The following PHOX2B variants were observed in gnomAD, a reference collection of about 807,000 sequenced individuals.
The protein encoded by PHOX2B is paired like homeobox 2B, also known as paired mesoderm homeobox protein 2B.
Under a neutral mutation model 15.5 loss-of-function variants are expected in PHOX2B, and 1 was observed. The observed-to-expected ratio is 0.06, with a 90% confidence interval of 0.02 to 0.31. The LOEUF is 0.31. PHOX2B is among the 10% of genes least tolerant of loss of function. The pLI is 1.00. For synonymous variants in PHOX2B, 206 were observed against 190.5 expected (o/e 1.08, Z -0.67); for missense variants, 314 against 436.4 (o/e 0.72, Z 2.50).
chr4:41,746,375 G>C (rs1733901423), intron 2 of PHOX2B, 53 bp from the exon 3 acceptor site: 3 of 1,588,166 alleles, frequency 1.9e-6, no homozygotes. Context: ...AGAAGAAAAT[G>C]GGAAAGAAAA....
chr4:41,747,845 A>G (rs1733962562), intron 1 of PHOX2B: 3 of 572,310 alleles, frequency 5.2e-6, no homozygotes, highest in Non-Finnish European at 9.8e-6. Context: ...AAAAAAATCC[A>G]AAAACATCAG....
rs964285984 is a variant in PHOX2B, at chr4:41,746,153, G to A, written c.599C>T (p.Pro200Leu). Residue 200 changes from proline to leucine, a missense_variant, in exon 3 of 3, where the codon CCC (proline) becomes CTC (leucine). Transcript: ENST00000226382. ...GCAGCTGGGGGTGGGGTTGGGATTG[G>A]GACCTGGGCCCCCAGTGCTGTCCGG... is the stretch of plus-strand genomic sequence containing the variant. ...TDPDSTGGPG[P>L]NPNPTPSCGA... 3 of 1,611,858 alleles carry A rather than the reference G, an allele frequency of 1.9e-6. No homozygotes were observed. The African/African-American group carries it at 4.0e-5, about 22-fold the overall frequency.
Position 41,744,666 on chromosome 4 carries a change from A to G in PHOX2B, c.*1141T>C. On this transcript the variant is annotated 3_prime_UTR_variant, in exon 3 of 3. Coordinates refer to ENST00000226382, the MANE Select transcript of PHOX2B (RefSeq NM_003924.4). ...TGTGAGTCCAGTTCGGATCATTCCA[A>G]CAGAAATGCAAACCGAGACACCCCT... is the stretch of plus-strand genomic sequence containing the variant. 4.3e-6 allele frequency: 1 copy of G among 233,632 alleles called. No homozygotes were observed. Among genetic ancestry groups the G allele is most frequent in the East Asian group, 6.0e-5 (1 of 16,572 alleles). The allele number at this position is 233,632 out of a possible 1,614,324, so 14.5% of individuals were successfully genotyped here.
At position 41,744,479 on chromosome 4, in the gene PHOX2B, A is replaced by G. The variant is rs954074046; in HGVS notation, c.*1328T>C. The G allele has an allele frequency of 4.3e-6, 1 of 232,866 alleles. No individual in the cohort carries two copies. Among genetic ancestry groups the G allele is most frequent in the Non-Finnish European group, 8.5e-6 (1 of 117,604 alleles). 14.4% of individuals were successfully genotyped at this position (232,866 alleles called of 1,614,324 possible). On this transcript the variant is annotated 3_prime_UTR_variant, in exon 3 of 3. Coordinates refer to ENST00000226382, the MANE Select transcript of PHOX2B (RefSeq NM_003924.4). ...ACACGATACAATTGAGTCACAGAAC[A>G]CAGTTGTAGAAAGACACCGAAAAAG... is the stretch of plus-strand genomic sequence containing the variant.
At chr4:41,747,274 T>A (rs1041649186) in intron 2 of PHOX2B, 75 bp downstream of exon 2, 93 of 1,286,992 alleles carry the variant, frequency 7.2e-5, no homozygotes, top group Middle Eastern at 5.0e-4. Context: ...GACTTCGAAT[T>A]TCACCAGCCG....
At position 41,748,450 on chromosome 4, in the gene PHOX2B, G is replaced by T. The variant is rs1733982603; in HGVS notation, c.161C>A (p.Thr54Lys). 3.1e-6 allele frequency: 5 copies of T among 1,614,018 alleles called. No homozygotes were observed. The highest frequency in any genetic ancestry group is 1.1e-5 in the South Asian group (1 of 91,080). The change falls in exon 1 of 3, where the codon ACG becomes AAG. Residue 54 changes from threonine to lysine, a missense_variant. Physicochemically the swap from Thr to Lys is moderately conservative, Grantham distance 78 (BLOSUM62 -1). This residue lies in a region of PHOX2B where 102 missense variants were observed against 155.1 expected (regional missense o/e 0.66). Transcript: ENST00000226382. Reference protein sequence around the residue: ...YNPIRTTFGATSGCPSLTPGS... With the variant: ...YNPIRTTFGAKSGCPSLTPGS... ...CGGCGTGAGGGAAGGGCAGCCGGAC[G>T]TGGCCCCAAAAGTGGTCCTTATCGG...
rs774521395 is a variant in PHOX2B, at chr4:41,746,255, G to A, written c.497C>T (p.Ala166Val). The change falls in exon 3 of 3, where the codon GCG (alanine) becomes GTG (valine). Residue 166 changes from alanine (A) to valine (V), a missense_variant. This residue lies in a region of PHOX2B where 31 missense variants were observed against 29.6 expected (regional missense o/e 1.05). Transcript: ENST00000226382. ...TTTGCCCGAGGAGCCGTTCTTGGCC[G>A]CGGCCGCTGCGGCTGCCGCTGCGCG... ...QERAAAAAAA[A>V]AKNGSSGKKS... 2 of 1,613,398 alleles carry A rather than the reference G, an allele frequency of 1.2e-6. No individual in the cohort carries two copies. The highest frequency in any genetic ancestry group is 2.2e-5 in the South Asian group (2 of 91,082).
chr4:41,744,389 T>C lies in PHOX2B; in HGVS notation c.*1418A>G, dbSNP rs2153112617. 1 of 230,514 alleles carries C rather than the reference T, an allele frequency of 4.3e-6. No individual in the cohort carries two copies. The highest frequency in any genetic ancestry group is 5.7e-5 in the Admixed American group (1 of 17,698). The allele number at this position is 230,514 out of a possible 1,614,324, so 14.3% of individuals were successfully genotyped here. A position where few individuals can be genotyped will look rare whatever the true frequency, so the allele number is the denominator to read the frequency against. On this transcript the variant is annotated 3_prime_UTR_variant, in exon 3 of 3. Transcript: ENST00000226382. ...CTTATTACACCATAAAGACACGCCA[T>C]AGAGACTACAAGAAGAGAAAAACAT...
intron 2 of PHOX2B, among the ~76,000 whole-genome samples, chr4:41,746,653 C>G (rs1240775107): frequency 6.6e-6 from 1 of 152,168 alleles, no homozygotes; most frequent in Non-Finnish European, 1.5e-5. Flanking sequence ...GAGCAAGCCC[C>G]GAGCTCGCCA....
rs769726959 is a variant in PHOX2B at position 41,745,793 on chromosome 4, C to T, written c.*14G>A. The stretch of plus-strand genomic sequence containing the variant: ...CCGCTGTCGCCGCCGCCGCCGCCGC[C>T]GCAGGATTCCAGATCAGAACATACT... On this transcript the variant is annotated 3_prime_UTR_variant, in exon 3 of 3. Transcript: ENST00000226382. This position sits in a 1 kb window ranked among gnomAD's most constrained non-coding sequence, Gnocchi z 4.0. 4 of 1,602,432 alleles carry T rather than the reference C, an allele frequency of 2.5e-6. No individual in the cohort carries two copies. In the South Asian group the frequency reaches 4.4e-5, roughly 18 times the overall value.
chr4:41,745,994 G>T lies in PHOX2B; in HGVS notation c.758C>A (p.Ala253Glu). 8.3e-7 allele frequency: 1 copy of T among 1,210,284 alleles called. No individual in the cohort carries two copies. The highest frequency in any genetic ancestry group is 1.6e-5 in the African/African-American group (1 of 61,782). The allele number at this position is 1,210,284 out of a possible 1,614,324, so 75.0% of individuals were successfully genotyped here. Residue 253 changes from alanine (A) to glutamate (E), a missense_variant, in exon 3 of 3, where the codon GCG becomes GAG. Around this residue, in one of 7 missense-constraint regions of PHOX2B, gnomAD observed 157 missense variants for 169.0 expected, o/e 0.93. Transcript: ENST00000226382. The surrounding 1 kb of genome is among the most constrained non-coding windows in gnomAD (Gnocchi z 4.0). ...AAAAAAAAAA[A>E]AAAAAAAGGL... ...TCCAGCTGCCGCCGCTGCCGCTGCC[G>T]CCGCCGCCGCTGCCGCGGCCGCCGC...
chr4:41,745,583 T>G lies in PHOX2B; in HGVS notation c.*224A>C. 17 of 499,112 alleles carry G rather than the reference T, an allele frequency of 3.4e-5. No homozygotes were observed. The highest frequency in any genetic ancestry group is 5.2e-5 in the Non-Finnish European group (15 of 290,340). The allele number at this position is 499,112 out of a possible 1,614,324, so 30.9% of individuals were successfully genotyped here. On this transcript the variant is annotated 3_prime_UTR_variant, in exon 3 of 3. Transcript: ENST00000226382. The surrounding 1 kb of genome is among the most constrained non-coding windows in gnomAD (Gnocchi z 4.0). ...CCAGGCAGGTGCGAAGCCAGGGAAG[T>G]TTGTTTGTTTTGTTTGGGGGTTGAG...
At chr4:41,746,391 G>A (rs758677340) in intron 2 of PHOX2B, 69 bp from the exon 3 acceptor site, 61 of 1,506,924 alleles carry the variant, frequency 4.0e-5, no homozygotes, top group Non-Finnish European at 5.3e-5. Flanking sequence ...GAAAAGCACC[G>A]GTTAGGGTGG....
Position 41,745,998 on chromosome 4 carries a change from C to T in PHOX2B, c.754G>A (p.Ala252Thr). 8.5e-7 allele frequency: 1 copy of T among 1,175,440 alleles called. No individual in the cohort carries two copies. Among genetic ancestry groups the T allele is most frequent in the Middle Eastern group, 3.4e-4 (1 of 2,962 alleles). The allele number at this position is 1,175,440 out of a possible 1,614,324, so 72.8% of individuals were successfully genotyped here. A position where few individuals can be genotyped will look rare whatever the true frequency, so the allele number is the denominator to read the frequency against. Residue 252 changes from alanine (A) to threonine (T), a missense_variant, in exon 3 of 3, where the codon GCG (alanine) becomes ACG (threonine). Ala to Thr is a moderately conservative substitution (Grantham distance 58). Coordinates refer to ENST00000226382, the MANE Select transcript of PHOX2B (RefSeq NM_003924.4). The surrounding 1 kb of genome is among the most constrained non-coding windows in gnomAD (Gnocchi z 4.0). Reference sequence around the variant, plus strand: ...GCTGCCGCCGCTGCCGCTGCCGCCGCCGCCGCTGCCGCGGCCGCCGCCGCT... The same window carrying T: ...GCTGCCGCCGCTGCCGCTGCCGCCGTCGCCGCTGCCGCGGCCGCCGCCGCT... The part of the protein sequence containing the change: ...AAAAAAAAAA[A>T]AAAAAAAAGG...
In PHOX2B at chr4:41,746,326, G is replaced by A; in HGVS notation, c.430-4C>T. The A allele has an allele frequency of 6.2e-7, 1 of 1,613,620 alleles. No homozygotes were observed. The highest frequency in any genetic ancestry group is 8.5e-7 in the Non-Finnish European group (1 of 1,179,802). ...CGCGGCGGTTCTGGAACCACACCTG[G>A]CCCAAGACGGAAGGAGAGACGGTGA... On this transcript the variant is annotated splice_polypyrimidine_tract_variant and splice_region_variant and intron_variant, in intron 2 of 2. Transcript: ENST00000226382.
chr4:41,746,416 C>G, intron 2 of PHOX2B, 94 bp from the exon 3 acceptor site: 2 of 1,315,236 alleles, frequency 1.5e-6, no homozygotes, highest in South Asian at 1.2e-5. Flanking sequence ...AGTTCTACTT[C>G]GGCTTGTTTT....
Position 41,746,266 on chromosome 4 carries a change from G to T in PHOX2B, c.486C>A (p.Ala162=), listed in dbSNP as rs547677836. The T allele has an allele frequency of 1.4e-5, 22 of 1,613,246 alleles. No homozygotes were observed. The highest frequency in any genetic ancestry group is 1.6e-4 in the Middle Eastern group (1 of 6,070). The change falls in exon 3 of 3, where the codon GCC becomes GCA. Residue 162 remains alanine, a synonymous_variant. Coordinates refer to ENST00000226382, the MANE Select transcript of PHOX2B (RefSeq NM_003924.4). The part of the protein sequence containing the change: ...KFRKQERAAA[A]AAAAAKNGSS... ...AGCCGTTCTTGGCCGCGGCCGCTGC[G>T]GCTGCCGCTGCGCGCTCCTGCTTGC...
chr4:41,747,031 A>G (rs931293515), intron 2 of PHOX2B, among the ~76,000 whole-genome samples: 2 of 152,012 alleles, frequency 1.3e-5, no homozygotes, highest in African/African-American at 4.8e-5. Context: ...AACTTATAAT[A>G]CGGGAGCAAA....
In PHOX2B at chr4:41,744,550, A is replaced by C. The variant is rs1733824627; in HGVS notation, c.*1257T>G. 4.3e-6 allele frequency: 1 copy of C among 233,398 alleles called. No individual in the cohort carries two copies. Among genetic ancestry groups the C allele is most frequent in the African/African-American group, 2.2e-5 (1 of 45,346 alleles). 14.5% of individuals were successfully genotyped at this position (233,398 alleles called of 1,614,324 possible). ...TAATATCTAGAGTTTGTGCCTTTTA[A>C]AATAAAAACAACAACAAAGAATCAA... On this transcript the variant is annotated 3_prime_UTR_variant, in exon 3 of 3. Coordinates refer to ENST00000226382, the MANE Select transcript of PHOX2B (RefSeq NM_003924.4).
Sources: gnomAD v4.1 joint callset for allele counts (sites outside exome capture counted in the v4.1 genomes callset) on GRCh38, gnomAD v4.1.1 for gene constraint, gnomAD v4.1.1 regional missense constraint, Gnocchi (gnomAD v3.1) non-coding constraint, MANE v1.5 for transcripts, NCBI Gene and HGNC (gene_info 2026-07-23, HGNC 2026-07-21) for gene names.